LSS: variants seen among roughly 807,000 people sequenced by gnomAD.
LSS encodes the protein 2,3-epoxysqualene-lanosterol cyclase.
LSS carries 90 observed loss-of-function variants against 110.3 expected under a neutral mutation model. That is an observed-to-expected ratio of 0.82 (90% CI 0.69 to 0.97). The LOEUF (loss-of-function observed/expected upper bound fraction) is 0.97, where lower values mean the gene tolerates loss of function less well. LSS is among the 50% of genes least tolerant of loss of function. The pLI is 0.00. For missense variants in LSS, 927 were observed against 990.0 expected (o/e 0.94, Z 0.85); for synonymous variants, 433 against 400.0 (o/e 1.08, Z -0.98).
Position 46,189,485 on chromosome 21 carries a change from A to G in LSS, c.*1619T>C. On this transcript the variant is annotated 3_prime_UTR_variant, in exon 22 of 22. Coordinates refer to ENST00000397728, the MANE Select transcript of LSS (RefSeq NM_002340.6). ...GAACAGGCAGCTGACCAAGCCCTGC[A>G]GGGCTCTGAGCAGGCAGGCGAGTCC... The G allele has an allele frequency of 5.6e-6, 2 of 355,812 alleles. No homozygotes were observed. The highest frequency in any genetic ancestry group is 1.1e-5 in the Non-Finnish European group (2 of 179,494). 22.0% of individuals were successfully genotyped at this position (355,812 alleles called of 1,614,324 possible). A position where few individuals can be genotyped will look rare whatever the true frequency, so the allele number is the denominator to read the frequency against.
At chr21:46,211,855 C>T (rs2080138380) in intron 11 of LSS, among the ~76,000 whole-genome samples, 1 of 152,198 alleles carries the variant, frequency 6.6e-6, no homozygotes, top group South Asian at 2.1e-4. Flanking sequence ...CTAACAGGAG[C>T]TCAAAGACCA....
At chr21:46,195,548 C>A in intron 19 of LSS, 128 bp downstream of exon 19, 2 of 885,756 alleles carry the variant, frequency 2.3e-6, no homozygotes, top group East Asian at 2.5e-5. Flanking sequence ...GTTGACAGAG[C>A]GAGACTCCGT....
chr21:46,207,522 G>C lies in LSS; in HGVS notation c.1373C>G (p.Ala458Gly). Reference protein sequence around the residue: ...DCGWIVSDCTAEALKAVLLLQ... With the variant: ...DCGWIVSDCTGEALKAVLLLQ... ...GAGCAGCACAGCCTTCAAGGCCTCA[G>C]CCGTGCAGTCAGAAACGATCCAGCC... Residue 458 changes from alanine (A) to glycine (G), a missense_variant, in exon 15 of 22, where the codon GCT (alanine) becomes GGT (glycine). Transcript: ENST00000397728. The C allele has an allele frequency of 1.2e-6, 2 of 1,612,170 alleles. No homozygotes were observed. Among genetic ancestry groups the C allele is most frequent in the Non-Finnish European group, 1.7e-6 (2 of 1,179,394 alleles).
intron 2 of LSS, among the ~76,000 whole-genome samples, 160 bp from the exon 3 acceptor site, chr21:46,227,850 C>A (rs545522301): frequency 6.6e-6 from 1 of 152,352 alleles, no homozygotes; most frequent in South Asian, 2.1e-4. Flanking sequence ...TTGATGAGAG[C>A]ATCACACCTC....
intron 17 of LSS, 86 bp from the exon 18 acceptor site, chr21:46,196,353 A>C (rs2079910433): frequency 9.2e-7 from 1 of 1,084,548 alleles, no homozygotes; most frequent in East Asian, 2.4e-5. Flanking sequence ...GTCTCAAAAG[A>C]ATGAGAATGG....
chr21:46,227,337 CT>C, intron 3 of LSS: 8 of 578,780 alleles, frequency 1.4e-5, no homozygotes, highest in Non-Finnish European at 2.4e-5. Context: ...ACTTGCTTCT[CT>C]TATCAGAGAG....
intron 20 of LSS, chr21:46,192,640 T>G: frequency 2.3e-6 from 1 of 429,234 alleles, no homozygotes; most frequent in Non-Finnish European, 4.7e-6. Context: ...TCTGCATATG[T>G]GTGCACAGGT....
In LSS at chr21:46,188,799, T is replaced by G. The variant is rs1338215504; in HGVS notation, c.*2305A>C. ...AACACCGAAGAGGGCAGGGAATCGC[T>G]GCGTCCTGTGACTTGAAGGCCACTG... On this transcript the variant is annotated 3_prime_UTR_variant, in exon 22 of 22. Transcript: ENST00000397728. 2 of 470,532 alleles carry G rather than the reference T, an allele frequency of 4.3e-6. No individual in the cohort carries two copies. The highest frequency in any genetic ancestry group is 4.0e-5 in the African/African-American group (2 of 50,090). 29.1% of individuals were successfully genotyped at this position (470,532 alleles called of 1,614,324 possible).
chr21:46,191,209 C>T lies in LSS; in HGVS notation c.2094G>A (p.Lys698=), dbSNP rs1257022416. 1 of 1,614,114 alleles carries T rather than the reference C, an allele frequency of 6.2e-7. No homozygotes were observed. The highest frequency in any genetic ancestry group is 1.7e-5 in the Admixed American group (1 of 60,028). ...AGCTCGTGTAGGAGATGGCACAGGA[C>T]TTGTTGAAGACCCCAGCAATGTTTT... ...PQENIAGVFN[K]SCAISYTSYR... Residue 698 remains lysine, a synonymous_variant, in exon 22 of 22, where the codon AAG becomes AAA. Coordinates refer to ENST00000397728, the MANE Select transcript of LSS (RefSeq NM_002340.6).
intron 3 of LSS, among the ~76,000 whole-genome samples, chr21:46,227,024 G>T (rs925223561): frequency 2.0e-5 from 3 of 152,178 alleles, no homozygotes; most frequent in African/African-American, 7.2e-5. Context: ...ATTTTACAAG[G>T]CTGAGGATTT....
chr21:46,202,428 T>C (rs2079991846), intron 17 of LSS, among the ~76,000 whole-genome samples: 1 of 150,960 alleles, frequency 6.6e-6, no homozygotes, highest in Non-Finnish European at 1.5e-5. Flanking sequence ...AAAATCTTAA[T>C]ATAAAAATCA....
At chr21:46,195,896 C>T (rs1044776375) in intron 18 of LSS, 140 bp from the exon 19 acceptor site, 2 of 705,712 alleles carry the variant, frequency 2.8e-6, no homozygotes, top group Non-Finnish European at 5.0e-6. Context: ...CCGTGGAAGA[C>T]AGCAGCTCTG....
At chr21:46,191,595 A>T (rs887127910) in intron 21 of LSS, among the ~76,000 whole-genome samples, 1 of 152,184 alleles carries the variant, frequency 6.6e-6, no homozygotes, top group Non-Finnish European at 1.5e-5. Context: ...GGTCATCTGG[A>T]GTGGGAGGGT....
At chr21:46,205,753 A>T in intron 17 of LSS, 83 bp downstream of exon 17, 1 of 1,077,162 alleles carries the variant, frequency 9.3e-7, no homozygotes, top group Non-Finnish European at 1.4e-6. Flanking sequence ...ATGGGCCACC[A>T]GGGCCGTGTC....
chr21:46,194,366 G>A lies in LSS; in HGVS notation c.1988+125C>T, dbSNP rs1186835370. The stretch of plus-strand genomic sequence containing the variant: ...CTTGTAGGTGTCTGTTCCCAGAGTG[G>A]CAGCTGACCTGGCCCACAGGCCTCC... On this transcript the variant is annotated intron_variant, in intron 20 of 21. Transcript: ENST00000397728. 12 of 1,142,158 alleles carry A rather than the reference G, an allele frequency of 1.1e-5. No homozygotes were observed. In the Admixed American group the frequency reaches 2.9e-4, roughly 28 times the overall value. 70.8% of individuals were successfully genotyped at this position (1,142,158 alleles called of 1,614,324 possible).
intron 19 of LSS, 128 bp downstream of exon 19, chr21:46,195,548 C>T (rs1197882691): frequency 2.5e-5 from 22 of 885,636 alleles, no homozygotes; most frequent in South Asian, 2.1e-4. Flanking sequence ...GTTGACAGAG[C>T]GAGACTCCGT....
chr21:46,201,799 ATCTTTT>A (rs2079980958), intron 17 of LSS, among the ~76,000 whole-genome samples: 1 of 92,188 alleles, frequency 1.1e-5, no homozygotes, highest in African/African-American at 3.3e-5. Context: ...TAAGTTTAAA[ATCTTTT>A]TTTTTTTTTT....
At chr21:46,212,426 C>T (rs140432392) in intron 11 of LSS, among the ~76,000 whole-genome samples, 3 of 152,354 alleles carry the variant, frequency 2.0e-5, no homozygotes, top group Non-Finnish European at 4.4e-5. Context: ...CTGACACGCA[C>T]AGAGGGGCGC....
chr21:46,202,384 A>G (rs1057377061), intron 17 of LSS, among the ~76,000 whole-genome samples: 3 of 143,698 alleles, frequency 2.1e-5, no homozygotes, highest in Non-Finnish European at 4.6e-5. Context: ...ACAGAGCGAG[A>G]CTCCGTCTCA....
Sources: allele counts gnomAD v4.1 joint callset (sites outside exome capture counted in the v4.1 genomes callset), GRCh38; gene constraint gnomAD v4.1.1; transcripts MANE v1.5; gene names NCBI Gene and HGNC (gene_info 2026-07-23, HGNC 2026-07-21).